CC2D2B: variants seen among roughly 807,000 people sequenced by gnomAD.
CC2D2B encodes protein CC2D2B.
CC2D2B carries 128 observed loss-of-function variants against 161.2 expected under a neutral mutation model. The ratio of observed to expected loss-of-function variants is 0.79; its 90% CI spans 0.69 to 0.92. CC2D2B has a LOEUF of 0.92. Ranked by LOEUF, CC2D2B falls within the 40% of genes least tolerant of loss-of-function variation. The pLI is 0.00. For synonymous variants in CC2D2B, 391 were observed against 449.8 expected (o/e 0.87, Z 1.65); for missense variants, 1,173 against 1,375.1 (o/e 0.85, Z 2.32).
chr10:95,999,851 T>A, intron 24 of CC2D2B: 1 of 483,858 alleles, frequency 2.1e-6, no homozygotes, highest in South Asian at 1.8e-5. Context: ...GGTGCTTCTC[T>A]GGGTGAAGCA....
intron 34 of CC2D2B, among the ~76,000 whole-genome samples, chr10:96,031,072 A>G (rs1304613232): frequency 6.6e-6 from 1 of 152,236 alleles, no homozygotes; most frequent in Non-Finnish European, 1.5e-5. Context: ...GTAAGTATTT[A>G]GTAAATGCTA....
chr10:96,015,559 C>T (rs1023723127), intron 29 of CC2D2B, among the ~76,000 whole-genome samples: 5 of 151,708 alleles, frequency 3.3e-5, no homozygotes, highest in East Asian at 1.9e-4. Flanking sequence ...ACAAAACACA[C>T]CTGTAGACTA....
chr10:95,976,036 C>G (rs978576171), intron 17 of CC2D2B, among the ~76,000 whole-genome samples: 3 of 152,194 alleles, frequency 2.0e-5, no homozygotes, highest in African/African-American at 7.2e-5. Flanking sequence ...ATTTGCAACT[C>G]TCTTTTACAA....
At chr10:96,012,092 T>C (rs1441457935) in intron 26 of CC2D2B, 93 bp from the exon 27 acceptor site, 4 of 545,196 alleles carry the variant, frequency 7.3e-6, no homozygotes, top group Non-Finnish European at 1.3e-5. Context: ...GCAAGCAAGC[T>C]TTCTGTGATG....
chr10:95,979,197 CCTT>C (rs1444438808), intron 17 of CC2D2B, among the ~76,000 whole-genome samples: 1 of 148,368 alleles, frequency 6.7e-6, no homozygotes, highest in African/African-American at 2.5e-5. Flanking sequence ...TCCTCTCTCT[CCTT>C]CTGTATCTAC....
chr10:95,926,848 C>CTGTGTGTGTG (rs1209292988), intron 5 of CC2D2B, among the ~76,000 whole-genome samples: 1,829 of 106,796 alleles, frequency 0.017, 22 homozygotes, highest in Non-Finnish European at 0.021. Context: ...GTGTGTGTGT[C>CTGTGTGTGTG]TGTGTGTGTG....
chr10:95,950,675 A>T (rs762522270), intron 10 of CC2D2B: 1 of 152,222 alleles, frequency 6.6e-6, no homozygotes, highest in Non-Finnish European at 1.5e-5. Flanking sequence ...TCATTCAACT[A>T]ATGAATACAT....
At chr10:95,995,206 C>A (rs1314518800) in intron 22 of CC2D2B, 63 bp from the exon 23 acceptor site, 3 of 930,378 alleles carry the variant, frequency 3.2e-6, no homozygotes, top group East Asian at 2.8e-5. Context: ...AACCCACCCA[C>A]TCCTACCAAA....
chr10:96,028,552 C>T (rs551250130), intron 34 of CC2D2B, among the ~76,000 whole-genome samples: 2 of 152,222 alleles, frequency 1.3e-5, no homozygotes, highest in Admixed American at 6.5e-5. Context: ...CAACCACTAT[C>T]GAGAATAGTT....
intron 29 of CC2D2B, among the ~76,000 whole-genome samples, chr10:96,014,638 T>C (rs2079115142): frequency 6.6e-6 from 1 of 152,220 alleles, no homozygotes; most frequent in African/African-American, 2.4e-5. Context: ...AGTTAACTTC[T>C]TTGGACCTCA....
At chr10:95,985,709 T>C (rs2077692299) in intron 19 of CC2D2B, among the ~76,000 whole-genome samples, 2 of 152,166 alleles carry the variant, frequency 1.3e-5, no homozygotes, top group Admixed American at 1.3e-4. Flanking sequence ...TCTGGCTGCC[T>C]GAGAGCCAGG....
At chr10:96,009,988 T>C in intron 26 of CC2D2B, 65 bp downstream of exon 26, 1 of 980,936 alleles carries the variant, frequency 1.0e-6, no homozygotes, top group Non-Finnish European at 1.6e-6. Context: ...AAACTTTCTG[T>C]TGTCTTTGAA....
rs1163083404 is a variant in CC2D2B, at chr10:96,031,855, T to G, written c.4161T>G (p.Asp1387Glu). 1.2e-6 allele frequency: 2 copies of G among 1,613,690 alleles called. No homozygotes were observed. The highest frequency in any genetic ancestry group is 1.3e-5 in the African/African-American group (1 of 74,906). ...TGFPIQMPYI[D>E]VQSIIDAVYQ... ...TTCCCATCCAGATGCCATACATTGA[T>G]GTACAGTCAATTATTGATGCTGTTT... Residue 1387 changes from aspartate (D) to glutamate (E), a missense_variant, in exon 35 of 35, where the codon GAT becomes GAG. This residue lies in a region of CC2D2B where 598 missense variants were observed against 693.2 expected (regional missense o/e 0.86). Transcript: ENST00000646931.
In CC2D2B at chr10:95,972,100, C is replaced by A; in HGVS notation, c.1679C>A (p.Ala560Glu). The A allele has an allele frequency of 8.1e-7, 1 of 1,230,164 alleles. No individual in the cohort carries two copies. The highest frequency in any genetic ancestry group is 1.0e-6 in the Non-Finnish European group (1 of 986,262). The allele number at this position is 1,230,164 out of a possible 1,614,324, so 76.2% of individuals were successfully genotyped here. ...YEKSKRTSLL[A>E]KLYIPLPNYT... ...AAAAGTAAAAGGACAAGCTTACTGG[C>A]AAAACTATATATACCTTTACCTAAC... Residue 560 changes from alanine to glutamate, a missense_variant, in exon 16 of 35, where the codon GCA becomes GAA. Coordinates refer to ENST00000646931, the MANE Select transcript of CC2D2B (RefSeq NM_001349008.3).
At chr10:95,957,437 G>C (rs894298020) in intron 11 of CC2D2B, among the ~76,000 whole-genome samples, 2 of 151,774 alleles carry the variant, frequency 1.3e-5, no homozygotes, top group African/African-American at 4.8e-5. Flanking sequence ...GCATATACAG[G>C]GAAAATTAGA....
chr10:96,025,190 A>ATATATATATATAT (rs1564684381), intron 33 of CC2D2B, among the ~76,000 whole-genome samples: 2 of 52,976 alleles, frequency 3.8e-5, no homozygotes. Context: ...TATATAAAAA[A>ATATATATATATAT]AAATATATAT....
chr10:95,957,624 A>C (rs563279498), intron 11 of CC2D2B, among the ~76,000 whole-genome samples: 1 of 141,510 alleles, frequency 7.1e-6, no homozygotes, highest in Admixed American at 7.7e-5. Context: ...GCAGTGACAC[A>C]ATCTCGGCTC....
At chr10:96,004,332 T>C in intron 25 of CC2D2B, 84 bp downstream of exon 25, 1 of 710,248 alleles carries the variant, frequency 1.4e-6, no homozygotes, top group Non-Finnish European at 2.3e-6. Flanking sequence ...TTTGTAAATA[T>C]GCTTTTAGAT....
intron 11 of CC2D2B, among the ~76,000 whole-genome samples, chr10:95,957,182 A>T (rs147940683): frequency 1.6e-3 from 247 of 152,232 alleles, no homozygotes; most frequent in South Asian, 7.1e-3. Flanking sequence ...GGTAAGCAAA[A>T]AGGACCTTAT....
Sources: gnomAD v4.1 joint callset for allele counts (sites outside exome capture counted in the v4.1 genomes callset) on GRCh38, gnomAD v4.1.1 for gene constraint, gnomAD v4.1.1 regional missense constraint, MANE v1.5 for transcripts, NCBI Gene and HGNC (gene_info 2026-07-23, HGNC 2026-07-21) for gene names.